Variants in ZHX2 observed in about 807,000 individuals in gnomAD.
ZHX2 encodes the protein zinc fingers and homeoboxes protein 2.
In ZHX2, 6 loss-of-function variants were observed where a neutral mutation model predicts 21.9. That is an observed-to-expected ratio of 0.27 (90% CI 0.15 to 0.54). The LOEUF (loss-of-function observed/expected upper bound fraction) is 0.54, where lower values mean the gene tolerates loss of function less well. Ranked by LOEUF, ZHX2 falls within the 20% of genes least tolerant of loss-of-function variation. The pLI is 0.95. For synonymous variants in ZHX2, 434 were observed against 437.1 expected, an observed-to-expected ratio of 0.99 and a Z score of 0.09; for missense variants, 908 against 1,090.7, an observed-to-expected ratio of 0.83 and a Z score of 2.36.
At chr8:122,924,837 G>C (rs1321905281) in intron 2 of ZHX2, among the ~76,000 whole-genome samples, 2 of 152,200 alleles carry the variant, frequency 1.3e-5, no homozygotes, top group African/African-American at 4.8e-5. Context: ...AAGTGGCCAG[G>C]TATTTGAGGG....
chr8:122,933,714 A>G (rs544181821), intron 2 of ZHX2, among the ~76,000 whole-genome samples: 24 of 152,354 alleles, frequency 1.6e-4, no homozygotes, highest in Middle Eastern at 3.4e-3. Flanking sequence ...AGGTGTTACA[A>G]TGTGATCGGT....
At chr8:122,902,403 C>T (rs1820254365) in intron 2 of ZHX2, among the ~76,000 whole-genome samples, 1 of 152,316 alleles carries the variant, frequency 6.6e-6, no homozygotes, top group Non-Finnish European at 1.5e-5. Flanking sequence ...TGACTTTGAG[C>T]AAGTTGCATG....
chr8:122,955,025 C>G (rs1056772870), intron 3 of ZHX2, among the ~76,000 whole-genome samples: 3 of 126,716 alleles, frequency 2.4e-5, no homozygotes, highest in Admixed American at 2.1e-4. Context: ...CCCTTCAAAT[C>G]TGGAAGAGCC....
chr8:122,908,138 G>C (rs1563776862), intron 2 of ZHX2, among the ~76,000 whole-genome samples: 1 of 152,200 alleles, frequency 6.6e-6, no homozygotes, highest in Non-Finnish European at 1.5e-5. Context: ...TCACAAGGCT[G>C]TTGTGAGCAC....
intron 2 of ZHX2, among the ~76,000 whole-genome samples, chr8:122,936,695 C>T (rs1812701899): frequency 6.6e-6 from 1 of 152,180 alleles, no homozygotes; most frequent in African/African-American, 2.4e-5. Flanking sequence ...TGGACTGGGA[C>T]ACAGTGGAAT....
intron 3 of ZHX2, among the ~76,000 whole-genome samples, chr8:122,972,809 C>A (rs190589857): frequency 3.9e-4 from 59 of 152,296 alleles, no homozygotes; most frequent in Admixed American, 1.8e-3. Flanking sequence ...CTAGAGTGAT[C>A]AAGTCCTATA....
At chr8:122,918,966 T>C (rs914412348) in intron 2 of ZHX2, among the ~76,000 whole-genome samples, 1 of 151,824 alleles carries the variant, frequency 6.6e-6, no homozygotes, top group African/African-American at 2.4e-5. Flanking sequence ...AAAAAAAACT[T>C]TATTTACAAA....
intron 2 of ZHX2, among the ~76,000 whole-genome samples, chr8:122,920,188 C>A (rs1050378546): frequency 1.3e-5 from 2 of 152,044 alleles, no homozygotes; most frequent in Non-Finnish European, 2.9e-5. Context: ...GCAGGAGAAT[C>A]GCTTGAACCT....
chr8:122,835,035 G>C (rs1440185833), intron 1 of ZHX2, among the ~76,000 whole-genome samples: 2 of 152,102 alleles, frequency 1.3e-5, no homozygotes, highest in East Asian at 3.9e-4. Context: ...GTCCAGATAC[G>C]GTCTTGGTCT....
intron 2 of ZHX2, among the ~76,000 whole-genome samples, chr8:122,915,962 C>G (rs527287761): frequency 1.6e-4 from 25 of 152,304 alleles, no homozygotes; most frequent in African/African-American, 5.8e-4. Context: ...GTCTTCCTCC[C>G]CCTTCCTGCA....
intron 2 of ZHX2, among the ~76,000 whole-genome samples, chr8:122,900,855 C>A (rs1820212247): frequency 6.6e-6 from 1 of 152,226 alleles, no homozygotes; most frequent in South Asian, 2.1e-4. Context: ...CCATGTATGT[C>A]TGCCTTACAG....
At chr8:122,879,500 G>A (rs1006733035) in intron 2 of ZHX2, among the ~76,000 whole-genome samples, 29 of 133,932 alleles carry the variant, frequency 2.2e-4, no homozygotes, top group African/African-American at 9.7e-4. Flanking sequence ...CCACTGCACC[G>A]GGCTGGTTTT....
intron 2 of ZHX2, among the ~76,000 whole-genome samples, chr8:122,887,691 AG>A (rs1472155154): frequency 6.6e-6 from 1 of 152,218 alleles, no homozygotes; most frequent in Non-Finnish European, 1.5e-5. Flanking sequence ...GGAAAACCGG[AG>A]GTAGTAGAAG....
chr8:122,783,558 G>C (rs1301116621), intron 1 of ZHX2, among the ~76,000 whole-genome samples: 2 of 152,132 alleles, frequency 1.3e-5, no homozygotes, highest in East Asian at 1.9e-4. Flanking sequence ...AGAAGTGAAG[G>C]GGGTGAGGTT....
At chr8:122,846,818 G>A (rs189842581) in intron 1 of ZHX2, among the ~76,000 whole-genome samples, 224 of 152,120 alleles carry the variant, frequency 1.5e-3, no homozygotes, top group African/African-American at 4.0e-3. Context: ...GTGTCATTCC[G>A]TTAAAAGACC....
rs998461038 is a variant in ZHX2, at chr8:122,782,637, C to G, written c.-283+691C>G. 3.9e-5 allele frequency among the ~76,000 whole-genome samples: 6 copies of G among 152,276 alleles called. No homozygotes were observed. The highest frequency in any genetic ancestry group is 1.4e-4 in the African/African-American group (6 of 41,578). On this transcript the variant is annotated intron_variant, in intron 1 of 3. Coordinates refer to ENST00000314393, the MANE Select transcript of ZHX2 (RefSeq NM_014943.5). The surrounding 1 kb of genome is among the most constrained non-coding windows in gnomAD (Gnocchi z 5.3). ...CCGGCGGCTGCAGGCAGCGGGCGCG[C>G]AGCGCGGGCGGCAGCCGAGCTACCT...
chr8:122,782,327 G>T lies in ZHX2; in HGVS notation c.-283+381G>T, dbSNP rs1441836419. 6.6e-6 allele frequency among the ~76,000 whole-genome samples: 1 copy of T among 152,182 alleles called. No homozygotes were observed. The highest frequency in any genetic ancestry group is 2.4e-5 in the African/African-American group (1 of 41,452). ...ACAAAAAAATATGGCGTCCGCTTTC[G>T]ACAGGGCGTTACGTAGACCCGACTG... On this transcript the variant is annotated intron_variant, in intron 1 of 3. Coordinates refer to ENST00000314393, the MANE Select transcript of ZHX2 (RefSeq NM_014943.5). The surrounding 1 kb of genome is among the most constrained non-coding windows in gnomAD (Gnocchi z 5.3).
chr8:122,952,698 C>T lies in ZHX2; in HGVS notation c.1188C>T (p.Ala396=), dbSNP rs375244930. The T allele has an allele frequency of 7.4e-6, 12 of 1,613,990 alleles. No homozygotes were observed. In the Admixed American group the frequency reaches 1.0e-4, roughly 13 times the overall value. The change falls in exon 3 of 4, where the codon GCC becomes GCT. Residue 396 remains alanine (A), a synonymous_variant. Transcript: ENST00000314393. This position sits in a 1 kb window ranked among gnomAD's most constrained non-coding sequence, Gnocchi z 6.9. ...TCTCTTGCTCCCCCATCACACTTGC[C>T]GTGGCAGGAGTCACCAACCATGGCC... ...TTVSCSPITL[A]VAGVTNHGQK...
intron 3 of ZHX2, among the ~76,000 whole-genome samples, chr8:122,968,587 G>A (rs1813642099): frequency 6.6e-6 from 1 of 151,986 alleles, no homozygotes; most frequent in Admixed American, 6.5e-5. Flanking sequence ...GCCTGTAATC[G>A]CAGCACTTTG....
Sources: gnomAD v4.1 joint callset for allele counts (sites outside exome capture counted in the v4.1 genomes callset) on GRCh38, gnomAD v4.1.1 for gene constraint, Gnocchi (gnomAD v3.1) non-coding constraint, MANE v1.5 for transcripts, NCBI Gene and HGNC (gene_info 2026-07-23, HGNC 2026-07-21) for gene names.